ALDH6A1: variants seen among roughly 807,000 people sequenced by gnomAD.
The protein encoded by ALDH6A1 is methylmalonate-semialdehyde/malonate-semialdehyde dehydrogenase [acylating], mitochondrial.
In ALDH6A1, 43 loss-of-function variants were observed where a neutral mutation model predicts 62.6. That is an observed-to-expected ratio of 0.69 (90% CI 0.54 to 0.89). ALDH6A1 has a LOEUF of 0.89. Among genes scored for constraint, ALDH6A1 ranks in the 40% least tolerant of loss-of-function variants. The probability of loss-of-function intolerance (pLI) is 0.00; values close to 1 mark genes in which losing one functional copy is unlikely to be tolerated. For missense variants in ALDH6A1, 551 were observed against 661.3 expected (o/e 0.83, Z 1.83); for synonymous variants, 194 against 234.2 (o/e 0.83, Z 1.57).
At position 74,066,735 on chromosome 14, in the gene ALDH6A1, A is replaced by C; in HGVS notation, c.1194T>G (p.Phe398Leu). ...IKVKGYENGN[F>L]VGPTIISNVK... ...CATTCGAGATGATGGTTGGTCCAAC[A>C]AAGTTGCCATTTTCATAGCCTTTCA... Residue 398 changes from phenylalanine (F) to leucine (L), a missense_variant, in exon 9 of 12, where the codon TTT becomes TTG. Physicochemically the swap from Phe to Leu is conservative, Grantham distance 22 (BLOSUM62 0). Transcript: ENST00000553458. 11 of 1,614,152 alleles carry C rather than the reference A, an allele frequency of 6.8e-6. No individual in the cohort carries two copies. Among genetic ancestry groups the C allele is most frequent in the Non-Finnish European group, 9.3e-6 (11 of 1,180,038 alleles).
At position 74,059,402 on chromosome 14, in the gene ALDH6A1, T is replaced by G. The variant is rs1164248403; in HGVS notation, c.*1240A>C. On this transcript the variant is annotated 3_prime_UTR_variant, in exon 12 of 12. Transcript: ENST00000553458. ...CTTTTGAAATAATTTTCTAAGAAAA[T>G]TATTTGCATCTGGCTGGGTGTGGTG... 2.2e-6 allele frequency: 1 copy of G among 456,002 alleles called. No individual in the cohort carries two copies. The highest frequency in any genetic ancestry group is 4.4e-6 in the Non-Finnish European group (1 of 226,710). The allele number at this position is 456,002 out of a possible 1,614,324, so 28.2% of individuals were successfully genotyped here. A position where few individuals can be genotyped will look rare whatever the true frequency, so the allele number is the denominator to read the frequency against.
At chr14:74,066,429 A>G (rs2060466305) in intron 9 of ALDH6A1, among the ~76,000 whole-genome samples, 1 of 152,158 alleles carries the variant, frequency 6.6e-6, no homozygotes, top group African/African-American at 2.4e-5. Flanking sequence ...TCACACTACA[A>G]TGTCAGAGTT....
chr14:74,057,978 A>G lies in ALDH6A1; in HGVS notation c.*2664T>C. 1 of 840,022 alleles carries G rather than the reference A, an allele frequency of 1.2e-6. No homozygotes were observed. The allele number at this position is 840,022 out of a possible 1,614,324, so 52.0% of individuals were successfully genotyped here. ...GACTACATTTAATTCCACTTGGAAT[A>G]TAGACAATAATGACCTTTTATTTAA... On this transcript the variant is annotated 3_prime_UTR_variant, in exon 12 of 12. Coordinates refer to ENST00000553458, the MANE Select transcript of ALDH6A1 (RefSeq NM_005589.4).
chr14:74,067,757 C>CTACAAAAAA, intron 7 of ALDH6A1, among the ~76,000 whole-genome samples, 188 bp from the exon 8 acceptor site: 1 of 151,646 alleles, frequency 6.6e-6, no homozygotes, highest in South Asian at 2.1e-4. Flanking sequence ...AACACCATCT[C>CTACAAAAAA]TACAAAAAAT....
Position 74,072,214 on chromosome 14 carries a change from T to C in ALDH6A1, c.337A>G (p.Lys113Glu). Reference protein sequence around the residue: ...QVLLRYQQLIKENLKEIAKLI... With the variant: ...QVLLRYQQLIEENLKEIAKLI... ...TTTAGATTTCATACCAAGTTTTCTT[T>C]AATAAGTTGTTGATAGCGGAGCAAG... The change falls in exon 4 of 12, where the codon AAA becomes GAA. Residue 113 changes from lysine (K) to glutamate (E), a missense_variant. Physicochemically the swap from Lys to Glu is moderately conservative, Grantham distance 56. Transcript: ENST00000553458. The C allele has an allele frequency of 6.2e-7, 1 of 1,614,194 alleles. No individual in the cohort carries two copies. The highest frequency in any genetic ancestry group is 2.2e-5 in the East Asian group (1 of 44,880).
At chr14:74,064,297 CAAA>C (rs368051564) in intron 11 of ALDH6A1, among the ~76,000 whole-genome samples, 1 of 127,056 alleles carries the variant, frequency 7.9e-6, no homozygotes, top group Non-Finnish European at 1.7e-5. Flanking sequence ...GACTGTGTCT[CAAA>C]AAAAAAAAAA....
intron 1 of ALDH6A1, among the ~76,000 whole-genome samples, chr14:74,078,854 A>G (rs2060641510): frequency 6.6e-6 from 1 of 151,334 alleles, no homozygotes; most frequent in Non-Finnish European, 1.5e-5. Flanking sequence ...TAGTAGAGAC[A>G]GTGTTTCACC....
chr14:74,078,471 A>G, intron 1 of ALDH6A1: 1 of 265,870 alleles, frequency 3.8e-6, no homozygotes, highest in Non-Finnish European at 7.5e-6. Context: ...TTCCTGCCTC[A>G]GCCTCCCAAA....
Position 74,067,259 on chromosome 14 carries a change from T to C in ALDH6A1, c.1042+121A>G, listed in dbSNP as rs112490858. 1.9e-5 allele frequency: 22 copies of C among 1,171,324 alleles called. No individual in the cohort carries two copies. In the African/African-American group the frequency reaches 2.1e-4, roughly 11 times the overall value. 72.6% of individuals were successfully genotyped at this position (1,171,324 alleles called of 1,614,324 possible). A position where few individuals can be genotyped will look rare whatever the true frequency, so the allele number is the denominator to read the frequency against. On this transcript the variant is annotated intron_variant, in intron 8 of 11. Transcript: ENST00000553458. ...ATGACTCCAAATGACAAGTACAGTA[T>C]AAAGAGAGGAAATGGCAAGAATAGA... is the stretch of plus-strand genomic sequence containing the variant.
chr14:74,072,280 GA>G lies in ALDH6A1; in HGVS notation c.270del (p.Pro91LeufsTer9). 2 of 1,614,258 alleles carry G rather than the reference GA, an allele frequency of 1.2e-6. No individual in the cohort carries two copies. Among genetic ancestry groups the G allele is most frequent in the Non-Finnish European group, 1.7e-6 (2 of 1,180,044 alleles). ...DAAIASCKRA[F>X]PAWADTSVLS... ...AATACTGAAGTGTCTGCCCATGCAG[GA>G]AAAGCACGTTTGCAGGAAGCAATGG... On this transcript the variant is annotated frameshift_variant, in exon 4 of 12. Transcript: ENST00000553458. LOFTEE classifies it high-confidence loss of function.
At position 74,084,290 on chromosome 14, in the gene ALDH6A1, C is replaced by A. The variant is rs17096176; in HGVS notation, c.48+57G>T. The stretch of plus-strand genomic sequence containing the variant: ...TCCCGCCCGAGGATGGCTCAGGGAG[C>A]GGACGGAAAGGATCCAATTCCTAGC... On this transcript the variant is annotated intron_variant, in intron 1 of 11. Transcript: ENST00000553458. The A allele has an allele frequency of 3.1e-3, 5,073 of 1,611,540 alleles. 124 individuals carry two copies. The African/African-American group carries it at 0.056, about 18-fold the overall frequency.
rs140352707 is a variant in ALDH6A1 at position 74,064,230 on chromosome 14, G to A, written c.1503+592C>T. Among the ~76,000 whole-genome samples the A allele has an allele frequency of 1.0e-2, 1,509 of 151,622 alleles. 29 individuals carry two copies. The highest frequency in any genetic ancestry group is 0.034 in the African/African-American group (1,408 of 41,266). ...GGAGAAGTGCTTGAACCCAGGAGGC[G>A]GAGGTTGCAGTGAGCTAAGACCATG... is the stretch of plus-strand genomic sequence containing the variant. On this transcript the variant is annotated intron_variant, in intron 11 of 11. Coordinates refer to ENST00000553458, the MANE Select transcript of ALDH6A1 (RefSeq NM_005589.4).
At chr14:74,082,616 T>C (rs1193609863) in intron 1 of ALDH6A1, among the ~76,000 whole-genome samples, 1 of 152,076 alleles carries the variant, frequency 6.6e-6, no homozygotes, top group Non-Finnish European at 1.5e-5. Context: ...GTCAGGCTGG[T>C]CTCGAACTCC....
Position 74,065,037 on chromosome 14 carries a change from TG to T in ALDH6A1, c.1405-118del. On this transcript the variant is annotated intron_variant, in intron 10 of 11. Coordinates refer to ENST00000553458, the MANE Select transcript of ALDH6A1 (RefSeq NM_005589.4). Reference sequence around the variant, plus strand: ...ACCTTCTACCCTATCCTCTACCCCATGAACTTTCATTCCTGAGGAAGAAATG... The same window carrying T: ...ACCTTCTACCCTATCCTCTACCCCATAACTTTCATTCCTGAGGAAGAAATG... 3.6e-6 allele frequency: 5 copies of T among 1,373,978 alleles called. No individual in the cohort carries two copies. In the South Asian group the frequency reaches 6.1e-5, roughly 17 times the overall value. The allele number at this position is 1,373,978 out of a possible 1,614,324, so 85.1% of individuals were successfully genotyped here.
Position 74,057,206 on chromosome 14 carries a change from C to G in ALDH6A1, c.*3436G>C. 2 of 1,614,066 alleles carry G rather than the reference C, an allele frequency of 1.2e-6. No homozygotes were observed. Among genetic ancestry groups the G allele is most frequent in the South Asian group, 2.2e-5 (2 of 91,076 alleles). On this transcript the variant is annotated 3_prime_UTR_variant, in exon 12 of 12. Transcript: ENST00000553458. Reference sequence around the variant, plus strand: ...CAGCAAATTGCAATATCAGACTCTTCTGGTGAAGTGGTGCTACCCACTATT... The same window carrying G: ...CAGCAAATTGCAATATCAGACTCTTGTGGTGAAGTGGTGCTACCCACTATT...
At chr14:74,073,833 A>G (rs5025652) in intron 2 of ALDH6A1, among the ~76,000 whole-genome samples, 83,176 of 149,572 alleles carry the variant, frequency 0.56, 24,248 homozygotes, top group East Asian at 0.89. Flanking sequence ...CAGGAGAATC[A>G]CTTGAACCTG....
At chr14:74,079,539 T>A (rs1240795781) in intron 1 of ALDH6A1, among the ~76,000 whole-genome samples, 1 of 151,884 alleles carries the variant, frequency 6.6e-6, no homozygotes, top group Non-Finnish European at 1.5e-5. Flanking sequence ...GTTCACACCT[T>A]CTCCTGCCTC....
Position 74,060,695 on chromosome 14 carries a change from C to T in ALDH6A1, c.1555G>A (p.Glu519Lys), listed in dbSNP as rs1162172204. 6.2e-7 allele frequency: 1 copy of T among 1,613,960 alleles called. No homozygotes were observed. Among genetic ancestry groups the T allele is most frequent in the Non-Finnish European group, 8.5e-7 (1 of 1,179,864 alleles). Residue 519 changes from glutamate to lysine, a missense_variant, in exon 12 of 12, where the codon GAA (glutamate) becomes AAA (lysine). By Grantham distance (56) the Glu-to-Lys change is moderately conservative. Transcript: ENST00000553458. ...LKTITSQWKEEDATLSSPAVV... is the reference protein window; with the variant it reads ...LKTITSQWKEKDATLSSPAVV... Reference sequence around the variant, plus strand: ...GCAGGTGAGGAAAGAGTAGCATCTTCTTCTTTCCACTGAGAAGTAATGGTC... The same window carrying T: ...GCAGGTGAGGAAAGAGTAGCATCTTTTTCTTTCCACTGAGAAGTAATGGTC...
intron 9 of ALDH6A1, 127 bp downstream of exon 9, chr14:74,066,578 T>C (rs2060469763): frequency 2.0e-6 from 2 of 998,480 alleles, no homozygotes; most frequent in Non-Finnish European, 1.5e-6. Context: ...GATAAAATAA[T>C]TGATCAATCC....
Sources: allele counts gnomAD v4.1 joint callset (sites outside exome capture counted in the v4.1 genomes callset), GRCh38; gene constraint gnomAD v4.1.1; transcripts MANE v1.5; gene names NCBI Gene and HGNC (gene_info 2026-07-23, HGNC 2026-07-21).